SCUBE1: variants seen among roughly 807,000 people sequenced by gnomAD.
The protein encoded by SCUBE1 is signal peptide, CUB and EGF-like domain-containing protein 1.
SCUBE1 carries 59 observed loss-of-function variants against 124.4 expected under a neutral mutation model. The observed-to-expected ratio is 0.47, with a 90% CI of 0.38 to 0.59. The LOEUF is 0.59. SCUBE1 is among the 20% of genes least tolerant of loss of function. The probability of loss-of-function intolerance (pLI) is 0.00; values close to 1 mark genes in which losing one functional copy is unlikely to be tolerated. For synonymous variants in SCUBE1, 545 were observed against 550.9 expected (o/e 0.99, Z 0.15); for missense variants, 1,150 against 1,371.2 (o/e 0.84, Z 2.55).
At chr22:43,286,120 C>T (rs1323862491) in intron 4 of SCUBE1, among the ~76,000 whole-genome samples, 2 of 152,220 alleles carry the variant, frequency 1.3e-5, no homozygotes, top group Non-Finnish European at 2.9e-5. Flanking sequence ...CTCAGGGCCT[C>T]ATTTCCTCAT....
At chr22:43,281,438 GCCACCCTCCTGTCATCTCCCTCA>G in intron 4 of SCUBE1, among the ~76,000 whole-genome samples, 1 of 45,966 alleles carries the variant, frequency 2.2e-5, no homozygotes, top group Non-Finnish European at 3.3e-5. Flanking sequence ...ACCTCCCTTG[GCCACCCTCCTGTCATCTCCCTCA>G]GCCACCCTCC....
In SCUBE1 at chr22:43,222,650, G is replaced by T. The variant is rs1301342625; in HGVS notation, c.1420C>A (p.Pro474Thr). Residue 474 changes from proline (P) to threonine (T), a missense_variant, in exon 12 of 22, where the codon CCC (proline) becomes ACC (threonine). By Grantham distance (38) the Pro-to-Thr change is conservative. Transcript: ENST00000360835. ...CCGGGGGGGTTACCTGAGCAGCTGGGCCCGAGGCCAGAGCTGGTGCCGTTG... is the reference window on the plus strand; with the variant it reads ...CCGGGGGGGTTACCTGAGCAGCTGGTCCCGAGGCCAGAGCTGGTGCCGTTG... The part of the protein sequence containing the change: ...KRNGTSSGLG[P>T]SCSDAPTTPI... 1 of 1,592,484 alleles carries T rather than the reference G, an allele frequency of 6.3e-7. No homozygotes were observed. The highest frequency in any genetic ancestry group is 8.5e-7 in the Non-Finnish European group (1 of 1,170,698).
intron 2 of SCUBE1, among the ~76,000 whole-genome samples, chr22:43,333,289 A>G (rs532551126): frequency 1.3e-5 from 2 of 152,254 alleles, no homozygotes; most frequent in Admixed American, 1.3e-4. Flanking sequence ...TGTCTGAGGC[A>G]CTCACCTGTC....
chr22:43,262,932 A>C, intron 4 of SCUBE1, 87 bp from the exon 5 acceptor site: 1 of 1,421,508 alleles, frequency 7.0e-7, no homozygotes. Context: ...ATAGCCAATG[A>C]TATGTAACAA....
intron 6 of SCUBE1, among the ~76,000 whole-genome samples, chr22:43,245,538 C>T (rs551943790): frequency 2.8e-4 from 42 of 152,244 alleles, no homozygotes; most frequent in Non-Finnish European, 4.1e-4. Flanking sequence ...AAGGAGAACA[C>T]GGGACAGGAC....
rs745784816 is a variant in SCUBE1, at chr22:43,211,088, C to G, written c.2222-5G>C. ...GGTGGCCGGGGGAGCAGTGCACTGC[C>G]GGGGGACACAAGGCAGTGTGGTGGG... On this transcript the variant is annotated splice_polypyrimidine_tract_variant and splice_region_variant and intron_variant, in intron 17 of 21. Coordinates refer to ENST00000360835, the MANE Select transcript of SCUBE1 (RefSeq NM_173050.5). This position sits in a 1 kb window ranked among gnomAD's most constrained non-coding sequence, Gnocchi z 4.5. 3.1e-6 allele frequency: 5 copies of G among 1,605,896 alleles called. No homozygotes were observed. The South Asian group carries it at 4.4e-5, about 14-fold the overall frequency.
At chr22:43,337,255 A>G (rs1927112969) in intron 2 of SCUBE1, among the ~76,000 whole-genome samples, 1 of 152,142 alleles carries the variant, frequency 6.6e-6, no homozygotes, top group South Asian at 2.1e-4. Context: ...GTAAGGAGTT[A>G]AAGCTGAACT....
chr22:43,213,988 C>T, intron 16 of SCUBE1, 102 bp downstream of exon 16: 1 of 1,190,096 alleles, frequency 8.4e-7, no homozygotes, highest in Non-Finnish European at 1.1e-6. Flanking sequence ...CACTCTCTGG[C>T]CACACCAGGC....
chr22:43,234,188 T>C lies in SCUBE1; in HGVS notation c.845-2313A>G, dbSNP rs761269946. Among the ~76,000 whole-genome samples, 1 of 152,100 alleles carries C rather than the reference T, an allele frequency of 6.6e-6. No homozygotes were observed. The highest frequency in any genetic ancestry group is 1.5e-5 in the Non-Finnish European group (1 of 68,014). ...GGATTATAGGCAGATGGGGAATTTC[T>C]AGATAGAAGTCTCAGGTAGAAGAAC... is the stretch of plus-strand genomic sequence containing the variant. On this transcript the variant is annotated intron_variant, in intron 7 of 21. Coordinates refer to ENST00000360835, the MANE Select transcript of SCUBE1 (RefSeq NM_173050.5). This position sits in a 1 kb window ranked among gnomAD's most constrained non-coding sequence, Gnocchi z 4.4.
chr22:43,303,326 C>G (rs916918871), intron 3 of SCUBE1, among the ~76,000 whole-genome samples: 4 of 152,262 alleles, frequency 2.6e-5, no homozygotes, highest in African/African-American at 4.8e-5. Context: ...GTGGCCATAC[C>G]CTGATCCCAG....
Position 43,253,721 on chromosome 22 carries a change from C to G in SCUBE1, c.727+4498G>C, listed in dbSNP as rs188081551. Among the ~76,000 whole-genome samples, 167 of 124,820 alleles carry G rather than the reference C, an allele frequency of 1.3e-3. No homozygotes were observed. In the Middle Eastern group the frequency reaches 0.027, roughly 20 times the overall value. 81.9% of individuals were successfully genotyped at this position (124,820 alleles called of 152,430 possible). A position where few individuals can be genotyped will look rare whatever the true frequency, so the allele number is the denominator to read the frequency against. On this transcript the variant is annotated intron_variant, in intron 6 of 21. Coordinates refer to ENST00000360835, the MANE Select transcript of SCUBE1 (RefSeq NM_173050.5). ...GCAAGCACAGAGGCCCTCCTCCCCC[C>G]GCCTGCACCACCCATTTACGTGATG...
intron 3 of SCUBE1, among the ~76,000 whole-genome samples, chr22:43,300,436 G>A (rs1177147461): frequency 1.3e-5 from 2 of 152,010 alleles, no homozygotes; most frequent in Non-Finnish European, 2.9e-5. Context: ...CTGGGATACA[G>A]CGACGCTCAA....
At chr22:43,286,591 A>G (rs1247110713) in intron 4 of SCUBE1, among the ~76,000 whole-genome samples, 3 of 152,210 alleles carry the variant, frequency 2.0e-5, no homozygotes, top group African/African-American at 7.2e-5. Flanking sequence ...CATGTCACGA[A>G]CGTCTCTGCT....
chr22:43,282,545 A>C (rs5996305), intron 4 of SCUBE1: 1 of 152,078 alleles, frequency 6.6e-6, no homozygotes, highest in African/African-American at 2.4e-5. Context: ...TCTTTCTACC[A>C]CAAACTCCTG....
Position 43,343,314 on chromosome 22 carries a change from C to T in SCUBE1, c.-53G>A, listed in dbSNP as rs1927397772. Reference sequence around the variant, plus strand: ...GGGCGTGCGGGGCGCGGGGACCCGACCGACCGGCCGCTCCCGCAGGCGCTG... The same window carrying T: ...GGGCGTGCGGGGCGCGGGGACCCGATCGACCGGCCGCTCCCGCAGGCGCTG... On this transcript the variant is annotated 5_prime_UTR_variant, in exon 1 of 22. Coordinates refer to ENST00000360835, the MANE Select transcript of SCUBE1 (RefSeq NM_173050.5). 1 of 898,648 alleles carries T rather than the reference C, an allele frequency of 1.1e-6. No individual in the cohort carries two copies. The highest frequency in any genetic ancestry group is 1.4e-6 in the Non-Finnish European group (1 of 732,926). The allele number at this position is 898,648 out of a possible 1,614,324, so 55.7% of individuals were successfully genotyped here.
intron 7 of SCUBE1, among the ~76,000 whole-genome samples, chr22:43,236,849 G>A (rs1922784339): frequency 6.6e-6 from 1 of 152,172 alleles, no homozygotes; most frequent in Non-Finnish European, 1.5e-5. Context: ...ACCCCTACAG[G>A]CAGGAACCGT....
intron 8 of SCUBE1, among the ~76,000 whole-genome samples, chr22:43,229,735 G>A (rs557169582): frequency 5.3e-5 from 8 of 152,344 alleles, no homozygotes; most frequent in African/African-American, 1.9e-4. Context: ...AGCTCTGATA[G>A]AATGTGAAAT....
At chr22:43,320,558 A>G (rs1239950789) in intron 2 of SCUBE1, among the ~76,000 whole-genome samples, 1 of 152,140 alleles carries the variant, frequency 6.6e-6, no homozygotes, top group Non-Finnish European at 1.5e-5. Flanking sequence ...AGGCTTTTTC[A>G]ACATTTCCCA....
At chr22:43,227,260 G>T (rs1449147423) in intron 10 of SCUBE1, 114 bp downstream of exon 10, 12 of 1,241,036 alleles carry the variant, frequency 9.7e-6, no homozygotes, top group Non-Finnish European at 1.3e-5. Context: ...GGAATGCAAG[G>T]CCTAGAGGAA....
Sources: allele counts gnomAD v4.1 joint callset (sites outside exome capture counted in the v4.1 genomes callset), GRCh38; gene constraint gnomAD v4.1.1; non-coding constraint Gnocchi (gnomAD v3.1); transcripts MANE v1.5; gene names NCBI Gene and HGNC (gene_info 2026-07-23, HGNC 2026-07-21).